The following DYNLT5 variants were observed in gnomAD, a reference collection of about 807,000 sequenced individuals.
The protein encoded by DYNLT5 is dynein light chain Tctex-type family member 5, also known as dynein light chain Tctex-type 5.
A neutral mutation model predicts 19.3 loss-of-function variants in DYNLT5; 25 were observed. The ratio of observed to expected loss-of-function variants is 1.30; its 90% CI spans 0.95 to 1.81. DYNLT5 has a LOEUF of 1.81. Ranked by LOEUF, DYNLT5 falls within the 40% of genes most tolerant of loss-of-function variation. The pLI, the probability that DYNLT5 is intolerant of heterozygous loss-of-function variation, is 0.00. For synonymous variants in DYNLT5, 82 were observed against 68.9 expected, an observed-to-expected ratio of 1.19 and a Z score of -0.94; for missense variants, 232 against 217.9, an observed-to-expected ratio of 1.06 and a Z score of -0.41.
At chr1:66,776,964 A>T (rs1645239623) in intron 4 of DYNLT5, among the ~76,000 whole-genome samples, 1 of 152,204 alleles carries the variant, frequency 6.6e-6, no homozygotes, top group South Asian at 2.1e-4. Context: ...TCTTAACATA[A>T]ATTTTCAAAG....
chr1:66,763,868 G>A (rs1212388725), intron 2 of DYNLT5, among the ~76,000 whole-genome samples: 5 of 152,152 alleles, frequency 3.3e-5, no homozygotes, highest in South Asian at 2.1e-4. Context: ...ATGTGTTCAC[G>A]GAAGTGACAC....
At chr1:66,776,670 T>C (rs1265045719) in intron 4 of DYNLT5, among the ~76,000 whole-genome samples, 3 of 152,006 alleles carry the variant, frequency 2.0e-5, no homozygotes, top group Non-Finnish European at 4.4e-5. Context: ...ATAAAAGTGT[T>C]TATTGTAAAA....
chr1:66,754,471 T>A (rs1010811718), intron 1 of DYNLT5, among the ~76,000 whole-genome samples, 185 bp from the exon 2 acceptor site: 1 of 152,204 alleles, frequency 6.6e-6, no homozygotes, highest in African/African-American at 2.4e-5. Flanking sequence ...TTCAGAGTTA[T>A]CATAGTTCCA....
chr1:66,774,325 T>C (rs910847373), intron 3 of DYNLT5, among the ~76,000 whole-genome samples: 1 of 152,152 alleles, frequency 6.6e-6, no homozygotes, highest in African/African-American at 2.4e-5. Context: ...TGTCCTGGCC[T>C]AGAGCATTGT....
intron 2 of DYNLT5, chr1:66,755,867 T>G (rs1335010491): frequency 6.6e-6 from 1 of 152,232 alleles, no homozygotes; most frequent in African/African-American, 2.4e-5. Context: ...TTTAAATTAT[T>G]TAAAACTGAT....
At chr1:66,753,547 G>T (rs749231763) in intron 1 of DYNLT5, among the ~76,000 whole-genome samples, 1 of 152,144 alleles carries the variant, frequency 6.6e-6, no homozygotes, top group Non-Finnish European at 1.5e-5. Context: ...TGTAAATGTT[G>T]CTCGAGAAAA....
chr1:66,754,264 C>A (rs911944127), intron 1 of DYNLT5, among the ~76,000 whole-genome samples: 2 of 152,028 alleles, frequency 1.3e-5, no homozygotes, highest in Admixed American at 1.3e-4. Flanking sequence ...ACAGTGACAG[C>A]AAATATTAAT....
intron 2 of DYNLT5, among the ~76,000 whole-genome samples, chr1:66,769,406 CTAAG>C (rs2150865996): frequency 6.6e-6 from 1 of 152,190 alleles, no homozygotes; most frequent in Admixed American, 6.5e-5. Context: ...CAGCGTAGAA[CTAAG>C]TATTTTAAAT....
At chr1:66,759,959 A>G (rs1256971509) in intron 2 of DYNLT5, among the ~76,000 whole-genome samples, 2 of 152,050 alleles carry the variant, frequency 1.3e-5, no homozygotes, top group Non-Finnish European at 2.9e-5. Context: ...TTTCTCAAAC[A>G]CACTAGCAGC....
intron 2 of DYNLT5, chr1:66,755,560 G>A (rs1284638170): frequency 2.0e-5 from 3 of 152,180 alleles, no homozygotes; most frequent in Non-Finnish European, 4.4e-5. Context: ...ATATTGGGAA[G>A]CAGGAGCTAG....
At chr1:66,767,354 G>T (rs1373595723) in intron 2 of DYNLT5, among the ~76,000 whole-genome samples, 4 of 152,120 alleles carry the variant, frequency 2.6e-5, no homozygotes, top group African/African-American at 9.7e-5. Flanking sequence ...TTCCTTTCGA[G>T]CTGTGCTTGT....
rs1215179334 is a variant in DYNLT5 at position 66,777,369 on chromosome 1, C to T, written c.455C>T (p.Pro152Leu). ...ATTGGAAGCAGATGCCTCTGGGATCCTAAAAGTGATACCTTTTCATCTTAT... is the reference window on the plus strand; with the variant it reads ...ATTGGAAGCAGATGCCTCTGGGATCTTAAAAGTGATACCTTTTCATCTTAT... ...ILIGSRCLWDPKSDTFSSYVF... is the reference protein window; with the variant it reads ...ILIGSRCLWDLKSDTFSSYVF... The change falls in exon 5 of 5, where the codon CCT (proline) becomes CTT (leucine). Residue 152 changes from proline (P) to leucine (L), a missense_variant. Coordinates refer to ENST00000282670, the MANE Select transcript of DYNLT5 (RefSeq NM_152665.3). The T allele has an allele frequency of 6.2e-7, 1 of 1,613,936 alleles. No individual in the cohort carries two copies. The highest frequency in any genetic ancestry group is 1.1e-5 in the South Asian group (1 of 91,072).
rs773914955 is a variant in DYNLT5 at position 66,777,307 on chromosome 1, T to G, written c.393T>G (p.Ile131Met). The G allele has an allele frequency of 6.2e-7, 1 of 1,613,876 alleles. No individual in the cohort carries two copies. Among genetic ancestry groups the G allele is most frequent in the African/African-American group, 1.3e-5 (1 of 74,924 alleles). Residue 131 changes from isoleucine (I) to methionine (M), a missense_variant, in exon 5 of 5, where the codon ATT becomes ATG. Ile to Met is a conservative substitution (Grantham distance 10). Transcript: ENST00000282670. Reference sequence around the variant, plus strand: ...TTCCACGGTATAAACTAATTGTGATTGTTCACATTGGACAACTGAACAGGC... The same window carrying G: ...TTCCACGGTATAAACTAATTGTGATGGTTCACATTGGACAACTGAACAGGC... Reference protein sequence around the residue: ...LMIPRYKLIVIVHIGQLNRQS... With the variant: ...LMIPRYKLIVMVHIGQLNRQS...
chr1:66,771,071 A>AG (rs2150866935), intron 3 of DYNLT5, among the ~76,000 whole-genome samples: 1 of 152,316 alleles, frequency 6.6e-6, no homozygotes, highest in Admixed American at 6.5e-5. Context: ...CTGAATTCAT[A>AG]CATAATTACT....
chr1:66,768,872 G>A (rs1171100003), intron 2 of DYNLT5: 2 of 152,142 alleles, frequency 1.3e-5, no homozygotes, highest in East Asian at 3.9e-4. Flanking sequence ...TTTGAAATCT[G>A]TCTGCCTTTT....
Position 66,777,556 on chromosome 1 carries a change from A to C in DYNLT5, c.*102A>C, listed in dbSNP as rs1024427278. On this transcript the variant is annotated 3_prime_UTR_variant, in exon 5 of 5. Transcript: ENST00000282670. Reference sequence around the variant, plus strand: ...CCAAAAACTTTGAGAAAGAAACAACACTGATATTTCAAGCAACTGGAAGCT... The same window carrying C: ...CCAAAAACTTTGAGAAAGAAACAACCCTGATATTTCAAGCAACTGGAAGCT... The C allele has an allele frequency of 1.8e-5, 18 of 993,838 alleles. No homozygotes were observed. Among genetic ancestry groups the C allele is most frequent in the South Asian group, 7.7e-5 (4 of 51,704 alleles). The allele number at this position is 993,838 out of a possible 1,614,324, so 61.6% of individuals were successfully genotyped here. A position where few individuals can be genotyped will look rare whatever the true frequency, so the allele number is the denominator to read the frequency against.
intron 2 of DYNLT5, among the ~76,000 whole-genome samples, chr1:66,763,995 G>A (rs1435474596): frequency 1.3e-5 from 2 of 151,950 alleles, no homozygotes; most frequent in African/African-American, 4.8e-5. Context: ...GACCAGCCTG[G>A]GCAACATGGC....
At chr1:66,757,054 T>G (rs1056741206) in intron 2 of DYNLT5, among the ~76,000 whole-genome samples, 3 of 152,274 alleles carry the variant, frequency 2.0e-5, no homozygotes, top group African/African-American at 7.2e-5. Context: ...TTTCTTCTCC[T>G]ACTGCTTTTG....
At chr1:66,771,439 C>T (rs1274182812) in intron 3 of DYNLT5, among the ~76,000 whole-genome samples, 4 of 152,208 alleles carry the variant, frequency 2.6e-5, no homozygotes, top group Non-Finnish European at 5.9e-5. Context: ...ATAGATAGAG[C>T]AGTGACTGAT....
Sources: allele counts gnomAD v4.1 joint callset (sites outside exome capture counted in the v4.1 genomes callset), GRCh38; gene constraint gnomAD v4.1.1; transcripts MANE v1.5; gene names NCBI Gene and HGNC (gene_info 2026-07-23, HGNC 2026-07-21).